The following GTF2E2 variants were observed in gnomAD, a reference collection of about 807,000 sequenced individuals.
GTF2E2 encodes general transcription factor IIE subunit 2, also known as transcription initiation factor IIE subunit beta.
GTF2E2 carries 21 observed loss-of-function variants against 40.5 expected under a neutral mutation model. The ratio of observed to expected loss-of-function variants is 0.52; its 90% CI spans 0.37 to 0.75. The LOEUF (loss-of-function observed/expected upper bound fraction) is 0.75. Ranked by LOEUF, GTF2E2 falls within the 30% of genes least tolerant of loss-of-function variation. The pLI is 0.00. For missense variants in GTF2E2, 298 were observed against 338.4 expected, an observed-to-expected ratio of 0.88 and a Z score of 0.94; for synonymous variants, 117 against 121.6, an observed-to-expected ratio of 0.96 and a Z score of 0.25.
chr8:30,622,438 T>C (rs370582748), intron 3 of GTF2E2, among the ~76,000 whole-genome samples: 58 of 151,528 alleles, frequency 3.8e-4, no homozygotes, highest in Admixed American at 1.4e-3. Flanking sequence ...CACAAGATAA[T>C]AGAGTATCAC....
chr8:30,634,492 T>A (rs1278850008), intron 3 of GTF2E2, among the ~76,000 whole-genome samples: 4 of 151,942 alleles, frequency 2.6e-5, no homozygotes, highest in African/African-American at 9.7e-5. Context: ...AAAGCCAAAA[T>A]CTTATATGAT....
intron 2 of GTF2E2, among the ~76,000 whole-genome samples, chr8:30,650,458 G>C (rs1446901449): frequency 6.6e-6 from 1 of 151,962 alleles, no homozygotes; most frequent in Non-Finnish European, 1.5e-5. Flanking sequence ...GGGAGGCTAA[G>C]GGGGATGGAT....
chr8:30,636,299 CAAAG>C (rs1319448754), intron 2 of GTF2E2, among the ~76,000 whole-genome samples: 1 of 152,108 alleles, frequency 6.6e-6, no homozygotes, highest in Admixed American at 6.6e-5. Flanking sequence ...GGCTGATCCA[CAAAG>C]AGAGAGGTTA....
intron 6 of GTF2E2, among the ~76,000 whole-genome samples, chr8:30,601,649 C>T (rs1389571347): frequency 1.3e-5 from 2 of 152,196 alleles, no homozygotes; most frequent in African/African-American, 4.8e-5. Flanking sequence ...GTGAAAAATA[C>T]CAGTTTATAA....
intron 2 of GTF2E2, among the ~76,000 whole-genome samples, chr8:30,650,776 G>A (rs1006929066): frequency 2.6e-5 from 4 of 151,826 alleles, no homozygotes; most frequent in African/African-American, 2.4e-5. Context: ...AGCACTTTGG[G>A]AGGCCAAGGC....
At chr8:30,656,712 G>A (rs1479193275) in intron 1 of GTF2E2, among the ~76,000 whole-genome samples, 4 of 151,454 alleles carry the variant, frequency 2.6e-5, no homozygotes, top group Non-Finnish European at 5.9e-5. Context: ...GGAGGCTGAG[G>A]CAGGAGAATC....
intron 3 of GTF2E2, among the ~76,000 whole-genome samples, chr8:30,623,860 GTTTT>G (rs373450910): frequency 1.3e-5 from 2 of 150,742 alleles, no homozygotes; most frequent in Non-Finnish European, 1.5e-5. Context: ...TTTTGATGGG[GTTTT>G]TTTTTCTTGA....
chr8:30,609,650 A>C (rs537080536), intron 5 of GTF2E2, among the ~76,000 whole-genome samples: 1 of 152,214 alleles, frequency 6.6e-6, no homozygotes, highest in Non-Finnish European at 1.5e-5. Flanking sequence ...CCAAAAATTT[A>C]TATCAAATCT....
At chr8:30,592,825 C>A (rs142098558) in intron 6 of GTF2E2, among the ~76,000 whole-genome samples, 39 of 152,304 alleles carry the variant, frequency 2.6e-4, no homozygotes, top group Non-Finnish European at 5.0e-4. Flanking sequence ...ATGATACTTT[C>A]AATTCTTTCA....
Position 30,612,287 on chromosome 8 carries a change from A to ACG in GTF2E2, c.549+11_549+12insCG. ...AAATTATATTAAGACATAGAAAGAA[A>ACG]AGAGAGATTACCTTGACAGCTTTCT... On this transcript the variant is annotated intron_variant, in intron 5 of 7. Coordinates refer to ENST00000355904, the MANE Select transcript of GTF2E2 (RefSeq NM_002095.6). 1 of 1,518,314 alleles carries ACG rather than the reference A, an allele frequency of 6.6e-7. No homozygotes were observed. Among genetic ancestry groups the ACG allele is most frequent in the Non-Finnish European group, 9.1e-7 (1 of 1,097,224 alleles). The allele number at this position is 1,518,314 out of a possible 1,614,324, so 94.1% of individuals were successfully genotyped here.
At chr8:30,643,397 GC>G (rs1314959842) in intron 2 of GTF2E2, 4 of 152,232 alleles carry the variant, frequency 2.6e-5, no homozygotes, top group Middle Eastern at 3.2e-3. Context: ...AGTGGCTCAC[GC>G]CTGTAATCCC....
In GTF2E2 at chr8:30,658,188, G is replaced by T. The variant is rs1052489579; in HGVS notation, c.-220C>A. 1.6e-5 allele frequency: 3 copies of T among 189,592 alleles called. No homozygotes were observed. The highest frequency in any genetic ancestry group is 2.4e-5 in the African/African-American group (1 of 41,472). The allele number at this position is 189,592 out of a possible 1,614,324, so 11.7% of individuals were successfully genotyped here. ...GCGGCGGTAGCTGAGGCGGCGACTG[G>T]ACCCGGGACTCCGCCCGCCACTTCC... On this transcript the variant is annotated 5_prime_UTR_variant, in exon 1 of 8. Coordinates refer to ENST00000355904, the MANE Select transcript of GTF2E2 (RefSeq NM_002095.6).
At chr8:30,648,312 C>CT (rs755471060) in intron 2 of GTF2E2, among the ~76,000 whole-genome samples, 5 of 152,200 alleles carry the variant, frequency 3.3e-5, no homozygotes, top group Non-Finnish European at 7.3e-5. Context: ...AAAACATGGA[C>CT]TTTATCTGAA....
intron 2 of GTF2E2, chr8:30,645,427 C>T: frequency 6.5e-7 from 1 of 1,535,656 alleles, no homozygotes; most frequent in South Asian, 1.2e-5. Flanking sequence ...TGTCATCCTG[C>T]TTTTATTTAT....
intron 5 of GTF2E2, among the ~76,000 whole-genome samples, chr8:30,610,485 T>G (rs1489705522): frequency 6.7e-6 from 1 of 149,256 alleles, no homozygotes; most frequent in African/African-American, 2.5e-5. Flanking sequence ...CAAAACATTG[T>G]AGTGCTGGCA....
chr8:30,644,213 T>A (rs1417007897), intron 2 of GTF2E2, among the ~76,000 whole-genome samples: 1 of 152,174 alleles, frequency 6.6e-6, no homozygotes, highest in Non-Finnish European at 1.5e-5. Context: ...AAGTACCAGG[T>A]CAACAAGAGC....
chr8:30,587,804 G>A (rs1223477218), intron 6 of GTF2E2, among the ~76,000 whole-genome samples: 3 of 150,002 alleles, frequency 2.0e-5, no homozygotes, highest in Non-Finnish European at 4.4e-5. Flanking sequence ...CCCAAGATAC[G>A]GAGGTTGCAA....
intron 3 of GTF2E2, among the ~76,000 whole-genome samples, chr8:30,628,929 T>TGA (rs1801360317): frequency 7.1e-6 from 1 of 140,136 alleles, no homozygotes; most frequent in African/African-American, 2.7e-5. Context: ...AGACTCCGTC[T>TGA]CAAAAAAAAA....
At chr8:30,613,790 TA>T (rs1800814943) in intron 4 of GTF2E2, among the ~76,000 whole-genome samples, 1 of 152,244 alleles carries the variant, frequency 6.6e-6, no homozygotes. Flanking sequence ...TCCTAGAAAG[TA>T]GTCTTCTTAG....
Sources: gnomAD v4.1 joint callset for allele counts (sites outside exome capture counted in the v4.1 genomes callset) on GRCh38, gnomAD v4.1.1 for gene constraint, MANE v1.5 for transcripts, NCBI Gene and HGNC (gene_info 2026-07-23, HGNC 2026-07-21) for gene names.